MN1: variants seen among roughly 807,000 people sequenced by gnomAD.
MN1 encodes transcriptional activator MN1.
MN1 carries 19 observed loss-of-function variants against 86.9 expected under a neutral mutation model. The observed-to-expected ratio is 0.22, with a 90% CI of 0.15 to 0.32. MN1 has a LOEUF of 0.32. Ranked by LOEUF, MN1 falls within the 10% of genes least tolerant of loss-of-function variation. MN1 has a pLI of 1.00. For synonymous variants in MN1, 928 were observed against 849.6 expected (o/e 1.09, Z -1.60); for missense variants, 1,841 against 1,862.0 (o/e 0.99, Z 0.21).
At chr22:27,756,252 T>G (rs970747860) in intron 1 of MN1, among the ~76,000 whole-genome samples, 1 of 152,156 alleles carries the variant, frequency 6.6e-6, no homozygotes, top group Non-Finnish European at 1.5e-5. Flanking sequence ...CACCCACCCA[T>G]AGAGGGGGCC....
In MN1 at chr22:27,798,942, C is replaced by CTGT. The variant is rs747477833; in HGVS notation, c.1599_1601dup (p.Gln550dup). The CTGT allele has an allele frequency of 3.2e-6, 4 of 1,251,996 alleles. No individual in the cohort carries two copies. In the Admixed American group the frequency reaches 6.1e-5, roughly 19 times the overall value. 77.6% of individuals were successfully genotyped at this position (1,251,996 alleles called of 1,614,324 possible). On this transcript the variant is annotated inframe_insertion, in exon 1 of 2. Coordinates refer to ENST00000302326, the MANE Select transcript of MN1 (RefSeq NM_002430.3). Reference sequence around the variant, plus strand: ...GTTGCTGTTGCTGCTGCTGCTGCTGCTGTTGCTGCTGCTGCTGCTGCTGCT... The same window carrying CTGT: ...GTTGCTGTTGCTGCTGCTGCTGCTGCTGTTGTTGCTGCTGCTGCTGCTGCTGCT...
chr22:27,748,335 A>G lies in MN1; in HGVS notation c.*2580T>C. On this transcript the variant is annotated 3_prime_UTR_variant, in exon 2 of 2. Coordinates refer to ENST00000302326, the MANE Select transcript of MN1 (RefSeq NM_002430.3). ...TGCTCAGGAAAACATATACAGGTAT[A>G]TACAATATGCAGGAATACAGAAGAC... The G allele has an allele frequency of 5.6e-6, 1 of 178,086 alleles. No homozygotes were observed. Among genetic ancestry groups the G allele is most frequent in the Non-Finnish European group, 1.2e-5 (1 of 82,554 alleles). 11.0% of individuals were successfully genotyped at this position (178,086 alleles called of 1,614,324 possible). A position where few individuals can be genotyped will look rare whatever the true frequency, so the allele number is the denominator to read the frequency against.
chr22:27,785,545 A>G (rs1448545542), intron 1 of MN1, among the ~76,000 whole-genome samples: 1 of 152,114 alleles, frequency 6.6e-6, no homozygotes, highest in East Asian at 1.9e-4. Flanking sequence ...CTTAATACCA[A>G]ATGTTGGGGA....
At chr22:27,770,915 C>G (rs1319782087) in intron 1 of MN1, among the ~76,000 whole-genome samples, 1 of 152,086 alleles carries the variant, frequency 6.6e-6, no homozygotes, top group Non-Finnish European at 1.5e-5. Context: ...CCACCTCAGC[C>G]TCCCAAAGTG....
Position 27,748,357 on chromosome 22 carries a change from A to G in MN1, c.*2558T>C, listed in dbSNP as rs1012939610. The G allele has an allele frequency of 1.7e-5, 3 of 179,738 alleles. No homozygotes were observed. Among genetic ancestry groups the G allele is most frequent in the Non-Finnish European group, 3.6e-5 (3 of 83,716 alleles). The allele number at this position is 179,738 out of a possible 1,614,324, so 11.1% of individuals were successfully genotyped here. On this transcript the variant is annotated 3_prime_UTR_variant, in exon 2 of 2. Coordinates refer to ENST00000302326, the MANE Select transcript of MN1 (RefSeq NM_002430.3). ...TATATACAATATGCAGGAATACAGA[A>G]GACTGCACTTTACATATTTTTTTAA...
At chr22:27,757,391 C>T (rs893945450) in intron 1 of MN1, among the ~76,000 whole-genome samples, 2 of 152,206 alleles carry the variant, frequency 1.3e-5, no homozygotes, top group Non-Finnish European at 2.9e-5. Context: ...CACGTGCCAG[C>T]GTTGTGCCAT....
Position 27,797,819 on chromosome 22 carries a change from G to A in MN1, c.2725C>T (p.Pro909Ser), listed in dbSNP as rs201879268. ...SGSKASGPPN[P>S]PAQGDGTSLS... ...CTGGTGCCGTCCCCCTGGGCTGGAG[G>A]GTTGGGCGGCCCCGAGGCTTTGGAG... Residue 909 changes from proline to serine, a missense_variant, in exon 1 of 2, where the codon CCT becomes TCT. Physicochemically the swap from Pro to Ser is moderately conservative, Grantham distance 74. Transcript: ENST00000302326. The A allele has an allele frequency of 2.9e-4, 452 of 1,584,812 alleles. 1 individual carries two copies. Among genetic ancestry groups the A allele is most frequent in the Non-Finnish European group, 3.7e-4 (427 of 1,167,632 alleles).
intron 1 of MN1, among the ~76,000 whole-genome samples, chr22:27,775,692 T>C (rs1932968756): frequency 1.3e-5 from 2 of 152,198 alleles, no homozygotes; most frequent in Admixed American, 1.3e-4. Context: ...AGATGTGATT[T>C]GTAGCTTAAA....
chr22:27,795,132 G>A (rs1933271948), intron 1 of MN1, among the ~76,000 whole-genome samples: 1 of 152,172 alleles, frequency 6.6e-6, no homozygotes, highest in Non-Finnish European at 1.5e-5. Flanking sequence ...CCTGGGAGAA[G>A]CCTGGAGAAT....
At chr22:27,788,674 G>T (rs1050802556) in intron 1 of MN1, among the ~76,000 whole-genome samples, 5 of 151,304 alleles carry the variant, frequency 3.3e-5, no homozygotes, top group African/African-American at 1.2e-4. Flanking sequence ...TGAGCAAGAA[G>T]TTATGTGTGT....
At position 27,797,879 on chromosome 22, in the gene MN1, C is replaced by T; in HGVS notation, c.2665G>A (p.Gly889Arg). 6.3e-7 allele frequency: 1 copy of T among 1,593,894 alleles called. No individual in the cohort carries two copies. Among genetic ancestry groups the T allele is most frequent in the African/African-American group, 1.3e-5 (1 of 74,296 alleles). ...CTGGTCCCGGACGGGCCTCCGGGTC[C>T]TGGGGCCCCAGGAGCAGTCCCTCCT... ...FPGGTAPGAPGPGGPSGTSSS... is the reference protein window; with the variant it reads ...FPGGTAPGAPRPGGPSGTSSS... The change falls in exon 1 of 2, where the codon GGA becomes AGA. Residue 889 changes from glycine (G) to arginine (R), a missense_variant. Physicochemically the swap from Gly to Arg is moderately radical, Grantham distance 125. Transcript: ENST00000302326.
chr22:27,765,650 C>A (rs1358088527), intron 1 of MN1, among the ~76,000 whole-genome samples: 1 of 152,200 alleles, frequency 6.6e-6, no homozygotes, highest in Non-Finnish European at 1.5e-5. Context: ...ACCGGCCGGG[C>A]AAGCGGGAAC....
At chr22:27,792,737 G>A (rs1345284722) in intron 1 of MN1, among the ~76,000 whole-genome samples, 3 of 152,068 alleles carry the variant, frequency 2.0e-5, no homozygotes, top group African/African-American at 4.8e-5. Context: ...TTCCGGAGGC[G>A]CAAAAGTCAC....
intron 1 of MN1, among the ~76,000 whole-genome samples, chr22:27,753,172 A>C (rs5762341): frequency 0.41 from 62,296 of 152,054 alleles, 12,900 homozygotes; most frequent in East Asian, 0.59. Context: ...TGCAACTAAC[A>C]TGCCTTTATT....
intron 1 of MN1, 24 bp downstream of exon 1, chr22:27,796,739 A>G (rs749966622): frequency 1.3e-6 from 2 of 1,558,444 alleles, no homozygotes; most frequent in South Asian, 2.3e-5. Flanking sequence ...CCGGGAAGTG[A>G]GAGGAAAACG....
intron 1 of MN1, 101 bp from the exon 2 acceptor site, chr22:27,751,197 T>C (rs1257400114): frequency 1.1e-6 from 1 of 930,828 alleles, no homozygotes; most frequent in Middle Eastern, 3.7e-4. Flanking sequence ...ACAGGCACCG[T>C]CCACGCCCTC....
Position 27,798,398 on chromosome 22 carries a change from CG to C in MN1, c.2145del (p.Ala717ArgfsTer47). On this transcript the variant is annotated frameshift_variant, in exon 1 of 2. Coordinates refer to ENST00000302326, the MANE Select transcript of MN1 (RefSeq NM_002430.3). LOFTEE classifies it high-confidence loss of function. ...GCGCTGGGGAGCCCCACGCCCGCCCCGGGCGACTGCAGCTGACCCAGGCCTC... is the reference window on the plus strand; with the variant it reads ...GCGCTGGGGAGCCCCACGCCCGCCCCGGCGACTGCAGCTGACCCAGGCCTC... ...SLGGLGQLQS[P>X]GAGVGLPSAA... is the part of the protein sequence containing the mutation. 6.6e-7 allele frequency: 1 copy of C among 1,514,618 alleles called. No homozygotes were observed. Among genetic ancestry groups the C allele is most frequent in the Non-Finnish European group, 8.8e-7 (1 of 1,140,160 alleles). 93.8% of individuals were successfully genotyped at this position (1,514,618 alleles called of 1,614,324 possible). A position where few individuals can be genotyped will look rare whatever the true frequency, so the allele number is the denominator to read the frequency against.
Position 27,797,228 on chromosome 22 carries a change from C to A in MN1, c.3316G>T (p.Gly1106Cys). 6.4e-7 allele frequency: 1 copy of A among 1,564,436 alleles called. No individual in the cohort carries two copies. Among genetic ancestry groups the A allele is most frequent in the Non-Finnish European group, 8.6e-7 (1 of 1,161,158 alleles). ...PKAPPPALGL[G>C]IMSNSTSTPD... ...GTCGAGGTAGAGTTAGACATGATGC[C>A]CAGGCCGAGGGCGGGCGGGGGCGCC... Residue 1106 changes from glycine (G) to cysteine (C), a missense_variant, in exon 1 of 2, where the codon GGC (glycine) becomes TGC (cysteine). By Grantham distance (159) the Gly-to-Cys change is radical. Coordinates refer to ENST00000302326, the MANE Select transcript of MN1 (RefSeq NM_002430.3).
intron 1 of MN1, among the ~76,000 whole-genome samples, chr22:27,787,215 G>T (rs1211926290): frequency 2.6e-5 from 4 of 152,234 alleles, no homozygotes; most frequent in Non-Finnish European, 1.5e-5. Flanking sequence ...AGACAATTTA[G>T]AAATAGTCAT....
Sources: gnomAD v4.1 joint callset for allele counts (sites outside exome capture counted in the v4.1 genomes callset) on GRCh38, gnomAD v4.1.1 for gene constraint, MANE v1.5 for transcripts, NCBI Gene and HGNC (gene_info 2026-07-23, HGNC 2026-07-21) for gene names.